The following LNX1 variants were observed in gnomAD, a reference collection of about 807,000 sequenced individuals.
The protein encoded by LNX1 is E3 ubiquitin-protein ligase LNX.
Under a neutral mutation model 68.4 loss-of-function variants are expected in LNX1, and 54 were observed. That is an observed-to-expected ratio of 0.79 (90% CI 0.63 to 0.99). The LOEUF (loss-of-function observed/expected upper bound fraction) is 0.99, where lower values mean the gene tolerates loss of function less well. LNX1 is among the 50% of genes least tolerant of loss of function. The pLI, the probability that LNX1 is intolerant of heterozygous loss-of-function variation, is 0.00. For synonymous variants in LNX1, 336 were observed against 350.0 expected (o/e 0.96, Z 0.45); for missense variants, 906 against 926.4 (o/e 0.98, Z 0.29).
chr4:53,594,520 T>G (rs568712750), upstream of LNX1, among the ~76,000 whole-genome samples: 2 of 152,108 alleles, frequency 1.3e-5, no homozygotes, highest in Non-Finnish European at 2.9e-5. Context: ...GCTTGGCAAA[T>G]CCTGGACATA....
At chr4:53,506,057 C>T (rs1185265217) in intron 4 of LNX1, among the ~76,000 whole-genome samples, 1 of 152,142 alleles carries the variant, frequency 6.6e-6, no homozygotes, top group East Asian at 1.9e-4. Context: ...ATTTTGAGGG[C>T]ATAATACATA....
intron 2 of LNX1, among the ~76,000 whole-genome samples, chr4:53,603,135 A>T (rs916953863): frequency 6.6e-6 from 1 of 152,240 alleles, no homozygotes; most frequent in African/African-American, 2.4e-5. Flanking sequence ...CCAGAGCACC[A>T]CAGTGTCACT....
At position 53,480,583 on chromosome 4, in the gene LNX1, A is replaced by G. The variant is rs114141429; in HGVS notation, c.1485+1137T>C. 3.5e-3 allele frequency among the ~76,000 whole-genome samples: 539 copies of G among 152,340 alleles called. 2 individuals are homozygous for G. Among genetic ancestry groups the G allele is most frequent in the African/African-American group, 0.012 (515 of 41,574 alleles). On this transcript the variant is annotated intron_variant, in intron 7 of 10. Transcript: ENST00000263925. ...AGCAAAAAGACATCACGGAGTCCTT[A>G]TCCATAAAATGTTTTAGCAGGATAT...
At chr4:53,482,935 TTC>T (rs1046649088) in intron 6 of LNX1, among the ~76,000 whole-genome samples, 17 of 152,378 alleles carry the variant, frequency 1.1e-4, no homozygotes, top group African/African-American at 4.1e-4. Context: ...ACTCTGCTAA[TTC>T]TCTCTGCTAT....
At chr4:53,612,652 T>C (rs537539489) in intron 2 of LNX1, among the ~76,000 whole-genome samples, 1 of 148,298 alleles carries the variant, frequency 6.7e-6, no homozygotes, top group Admixed American at 6.8e-5. Flanking sequence ...AGACCCTGTC[T>C]CTACAAAAAA....
rs1727432859 is a variant in LNX1, at chr4:53,523,998, C to G, written c.381-15771G>C. Among the ~76,000 whole-genome samples the G allele has an allele frequency of 2.0e-5, 3 of 152,182 alleles. No individual in the cohort carries two copies. The South Asian group carries it at 6.2e-4, about 32-fold the overall frequency. On this transcript the variant is annotated intron_variant, in intron 2 of 10. Coordinates refer to ENST00000263925, the MANE Select transcript of LNX1 (RefSeq NM_001126328.3). ...TTATAGTCTGGCTGGTCAGCCTAGT[C>G]TTAAATTGACCATCAATTTGATGAC...
rs1319095897 is a variant in LNX1, at chr4:53,459,378, AAAG to A, written c.*1526_*1528del. 6.2e-7 allele frequency: 1 copy of A among 1,613,078 alleles called. No individual in the cohort carries two copies. The highest frequency in any genetic ancestry group is 8.5e-7 in the Non-Finnish European group (1 of 1,179,644). ...CAAACACAAAAAATCTAAAAGAAGC[AAAG>A]AAGGAAAAGAAGCGGGCAGTGAGCC... On this transcript the variant is annotated 3_prime_UTR_variant, in exon 11 of 11. Transcript: ENST00000263925.
intron 2 of LNX1, among the ~76,000 whole-genome samples, chr4:53,529,919 A>T (rs1354853212): frequency 6.6e-6 from 1 of 150,856 alleles, no homozygotes; most frequent in Non-Finnish European, 1.5e-5. Flanking sequence ...ACACATTAAC[A>T]TGGGGCCTGC....
chr4:53,545,651 G>A (rs1729058565), intron 2 of LNX1, among the ~76,000 whole-genome samples: 1 of 152,094 alleles, frequency 6.6e-6, no homozygotes. Context: ...AATGCTTCCT[G>A]TGTATTGCAT....
chr4:53,640,243 G>A (rs567817340), intron 1 of LNX1, among the ~76,000 whole-genome samples: 19 of 152,274 alleles, frequency 1.2e-4, no homozygotes, highest in African/African-American at 4.1e-4. Context: ...TCAGGAAGGC[G>A]AGGAAGCACT....
chr4:53,570,069 C>T lies in LNX1; in HGVS notation c.380+3554G>A, dbSNP rs10213560. Among the ~76,000 whole-genome samples the T allele has an allele frequency of 7.6e-3, 1,161 of 151,766 alleles. 17 individuals are homozygous for T. The highest frequency in any genetic ancestry group is 0.026 in the African/African-American group (1,091 of 41,356). ...GAACACTTTTACACTGTTGGTGGGA[C>T]TGTAAACTAGTTCAACCATTGTGGA... On this transcript the variant is annotated intron_variant, in intron 2 of 10. Coordinates refer to ENST00000263925, the MANE Select transcript of LNX1 (RefSeq NM_001126328.3).
intron 1 of LNX1, among the ~76,000 whole-genome samples, chr4:53,632,569 G>C (rs750811443): frequency 2.0e-5 from 3 of 152,180 alleles, no homozygotes; most frequent in African/African-American, 7.2e-5. Flanking sequence ...GTTCCCTGTC[G>C]GATCAGGCTA....
intron 1 of LNX1, chr4:53,579,115 G>T: frequency 4.6e-6 from 1 of 219,708 alleles, no homozygotes; most frequent in Non-Finnish European, 7.7e-6. Context: ...TCAGCTTTGT[G>T]TCCATATAAA....
At chr4:53,619,618 A>G (rs1388338565), upstream of LNX1, among the ~76,000 whole-genome samples, 1 of 152,188 alleles carries the variant, frequency 6.6e-6, no homozygotes, top group Non-Finnish European at 1.5e-5. Flanking sequence ...TCATCACTTG[A>G]TGAGCCTTTG....
chr4:53,528,243 C>T (rs4864785), intron 2 of LNX1, among the ~76,000 whole-genome samples: 31,530 of 152,194 alleles, frequency 0.21, 3,503 homozygotes, highest in Admixed American at 0.27. Flanking sequence ...CATAGTCCTC[C>T]CTTATCCATA....
At chr4:53,593,239 AG>A (rs1732596875), upstream of LNX1, among the ~76,000 whole-genome samples, 3 of 152,194 alleles carry the variant, frequency 2.0e-5, no homozygotes, top group African/African-American at 7.2e-5. Context: ...CCCCTGGGCA[AG>A]GGGGAGGGGA....
At chr4:53,627,884 G>A (rs770760614) in intron 1 of LNX1, among the ~76,000 whole-genome samples, 8 of 152,162 alleles carry the variant, frequency 5.3e-5, no homozygotes, top group Non-Finnish European at 7.4e-5. Context: ...TTGAAGATGA[G>A]GGTTTCAATG....
At chr4:53,518,334 T>C (rs1726948154) in intron 2 of LNX1, among the ~76,000 whole-genome samples, 1 of 152,174 alleles carries the variant, frequency 6.6e-6, no homozygotes, top group South Asian at 2.1e-4. Context: ...CTCTGCACAG[T>C]TCCAATTTCA....
chr4:53,495,154 A>T (rs1222318829), intron 6 of LNX1, among the ~76,000 whole-genome samples: 1 of 152,226 alleles, frequency 6.6e-6, no homozygotes, highest in East Asian at 1.9e-4. Flanking sequence ...AAAAACAGTA[A>T]CGAGACATGG....
Sources: gnomAD v4.1 joint callset for allele counts (sites outside exome capture counted in the v4.1 genomes callset) on GRCh38, gnomAD v4.1.1 for gene constraint, MANE v1.5 for transcripts, NCBI Gene and HGNC (gene_info 2026-07-23, HGNC 2026-07-21) for gene names.